Variants in CTH observed in about 807,000 individuals in gnomAD.
CTH encodes the protein cystathionine gamma-lyase.
Under a neutral mutation model 50.6 loss-of-function variants are expected in CTH, and 41 were observed. The observed-to-expected ratio is 0.81, with a 90% CI of 0.63 to 1.05. The LOEUF is 1.05. Ranked by LOEUF, CTH falls within the 50% of genes least tolerant of loss-of-function variation. The pLI, the probability that CTH is intolerant of heterozygous loss-of-function variation, is 0.00. For synonymous variants in CTH, 156 were observed against 168.9 expected, an observed-to-expected ratio of 0.92 and a Z score of 0.59; for missense variants, 470 against 492.6, an observed-to-expected ratio of 0.95 and a Z score of 0.43.
intron 1 of CTH, among the ~76,000 whole-genome samples, chr1:70,413,412 T>C (rs1044004491): frequency 1.1e-4 from 16 of 151,842 alleles, no homozygotes; most frequent in South Asian, 2.1e-4. Context: ...TACAGGCGCC[T>C]GCCACTGCGC....
chr1:70,416,602 C>T (rs1436796920), intron 2 of CTH, among the ~76,000 whole-genome samples: 4 of 139,612 alleles, frequency 2.9e-5, no homozygotes, highest in African/African-American at 5.4e-5. Flanking sequence ...TTGCTCTTGT[C>T]GCTCAGGCTG....
chr1:70,411,312 C>T lies in CTH; in HGVS notation c.-104C>T, dbSNP rs1020538782. 1 of 1,187,706 alleles carries T rather than the reference C, an allele frequency of 8.4e-7. No individual in the cohort carries two copies. The highest frequency in any genetic ancestry group is 1.5e-5 in the African/African-American group (1 of 66,732). 73.6% of individuals were successfully genotyped at this position (1,187,706 alleles called of 1,614,324 possible). A position where few individuals can be genotyped will look rare whatever the true frequency, so the allele number is the denominator to read the frequency against. On this transcript the variant is annotated 5_prime_UTR_variant, in exon 1 of 12. Coordinates refer to ENST00000370938, the MANE Select transcript of CTH (RefSeq NM_001902.6). ...CGTCGGCTCTACCTGCGTGCTTTAG[C>T]TCCTTCTCGCCTGATCCTTCTGTCT...
chr1:70,417,576 C>T (rs912517593), intron 2 of CTH, among the ~76,000 whole-genome samples: 3 of 152,194 alleles, frequency 2.0e-5, no homozygotes, highest in South Asian at 2.1e-4. Context: ...TTAGCCACCA[C>T]GCCTGCCCTG....
chr1:70,439,074 T>A (rs745637431), intron 11 of CTH, 27 bp from the exon 12 acceptor site: 1 of 1,604,490 alleles, frequency 6.2e-7, no homozygotes, highest in Non-Finnish European at 8.5e-7. Flanking sequence ...TTTAATAACA[T>A]ATTTTTCTTG....
At chr1:70,421,811 G>A in intron 4 of CTH, 136 bp downstream of exon 4, 4 of 867,832 alleles carry the variant, frequency 4.6e-6, no homozygotes, top group Non-Finnish European at 7.5e-6. Context: ...ACAAAATTAA[G>A]ATAGACTGTC....
rs755769139 is a variant in CTH, at chr1:70,424,333, AT to A, written c.507del (p.Ile169MetfsTer46). On this transcript the variant is annotated frameshift_variant, in exon 5 of 12. Coordinates refer to ENST00000370938, the MANE Select transcript of CTH (RefSeq NM_001902.6). LOFTEE classifies it high-confidence loss of function. ...PTNPTQKVID[I>X]EGCAHIVHKH... is the part of the protein sequence containing the mutation. ...AAACCCCACCCAGAAGGTGATTGAC[AT>A]TGAAGGCTGTGCACATATTGTCCAT... 12 of 1,614,142 alleles carry A rather than the reference AT, an allele frequency of 7.4e-6. No homozygotes were observed. Among genetic ancestry groups the A allele is most frequent in the Non-Finnish European group, 1.0e-5 (12 of 1,179,996 alleles).
chr1:70,418,092 C>T, intron 3 of CTH, 60 bp downstream of exon 3: 2 of 1,566,694 alleles, frequency 1.3e-6, no homozygotes, highest in South Asian at 1.1e-5. Flanking sequence ...ATAAAGTGAG[C>T]CCTGAATTAA....
Position 70,421,626 on chromosome 1 carries a change from A to C in CTH, c.407A>C (p.Asp136Ala). Residue 136 changes from aspartate (D) to alanine (A), a missense_variant, in exon 4 of 12, where the codon GAT becomes GCT. Asp to Ala is a moderately radical substitution (Grantham distance 126). Coordinates refer to ENST00000370938, the MANE Select transcript of CTH (RefSeq NM_001902.6). ...TTTGGATTAAAGATTTCTTTTGTTG[A>C]TTGTTCCAAAATCAAATTACTAGAG... is the stretch of plus-strand genomic sequence containing the variant. ...SEFGLKISFV[D>A]CSKIKLLEAA... 1 of 1,613,942 alleles carries C rather than the reference A, an allele frequency of 6.2e-7. No individual in the cohort carries two copies. The highest frequency in any genetic ancestry group is 1.3e-5 in the African/African-American group (1 of 75,032).
At chr1:70,425,980 T>C (rs976599548) in intron 5 of CTH, among the ~76,000 whole-genome samples, 2 of 152,130 alleles carry the variant, frequency 1.3e-5, no homozygotes, top group Admixed American at 6.5e-5. Context: ...CTCCTAATCA[T>C]ACTAGTGATT....
At chr1:70,421,812 A>G in intron 4 of CTH, 137 bp downstream of exon 4, 2 of 844,722 alleles carry the variant, frequency 2.4e-6, no homozygotes, top group Non-Finnish European at 3.9e-6. Flanking sequence ...CAAAATTAAG[A>G]TAGACTGTCA....
chr1:70,439,190 T>A lies in CTH; in HGVS notation c.*63T>A. 1 of 1,500,240 alleles carries A rather than the reference T, an allele frequency of 6.7e-7. No homozygotes were observed. Among genetic ancestry groups the A allele is most frequent in the Non-Finnish European group, 9.3e-7 (1 of 1,076,026 alleles). 92.9% of individuals were successfully genotyped at this position (1,500,240 alleles called of 1,614,324 possible). A position where few individuals can be genotyped will look rare whatever the true frequency, so the allele number is the denominator to read the frequency against. ...GATCAAATCTTCCTGAGTAATTAAATGGACCAACAATGAGCCTTTGCAAAA... is the reference window on the plus strand; with the variant it reads ...GATCAAATCTTCCTGAGTAATTAAAAGGACCAACAATGAGCCTTTGCAAAA... On this transcript the variant is annotated 3_prime_UTR_variant, in exon 12 of 12. Transcript: ENST00000370938.
chr1:70,426,978 T>C (rs1378192058), intron 5 of CTH, among the ~76,000 whole-genome samples: 1 of 152,196 alleles, frequency 6.6e-6, no homozygotes, highest in Non-Finnish European at 1.5e-5. Context: ...TTTCTACCTT[T>C]TTGAAGCCCA....
At chr1:70,424,995 T>C (rs1019929809) in intron 5 of CTH, among the ~76,000 whole-genome samples, 7 of 152,198 alleles carry the variant, frequency 4.6e-5, no homozygotes, top group South Asian at 4.1e-4. Context: ...TATTATGTGA[T>C]TGTATCTGCT....
At chr1:70,415,546 A>G (rs557565675) in intron 1 of CTH, among the ~76,000 whole-genome samples, 3 of 152,398 alleles carry the variant, frequency 2.0e-5, no homozygotes, top group East Asian at 1.9e-4. Flanking sequence ...CTAACATAAT[A>G]AACATACTAA....
chr1:70,429,777 A>C lies in CTH; in HGVS notation c.589-17A>C. On this transcript the variant is annotated splice_polypyrimidine_tract_variant and intron_variant, in intron 5 of 11. Coordinates refer to ENST00000370938, the MANE Select transcript of CTH (RefSeq NM_001902.6). The stretch of plus-strand genomic sequence containing the variant: ...TCAAATTGTTTCTCATTTAAAGTAA[A>C]AAACTTGTTCTTTCAGCGCCCTTTG... 1 of 1,600,238 alleles carries C rather than the reference A, an allele frequency of 6.2e-7. No homozygotes were observed. Among genetic ancestry groups the C allele is most frequent in the Non-Finnish European group, 8.6e-7 (1 of 1,167,912 alleles).
chr1:70,413,471 G>T (rs1029833501), intron 1 of CTH, among the ~76,000 whole-genome samples: 5 of 151,470 alleles, frequency 3.3e-5, no homozygotes, highest in Non-Finnish European at 7.4e-5. Context: ...TCACCATGTT[G>T]GCCAGGCTGC....
chr1:70,435,069 G>A (rs12134857), intron 9 of CTH, 56 bp from the exon 10 acceptor site: 4 of 1,516,784 alleles, frequency 2.6e-6, no homozygotes, highest in Non-Finnish European at 3.6e-6. Context: ...TTTATTTTTA[G>A]ATTTTAGTAT....
chr1:70,422,523 C>A lies in CTH; in HGVS notation c.456+848C>A, dbSNP rs916980013. ...TACTTTGCACATTAACATGGTTGAG[C>A]TTTTGGTAATTAAGGTTTGTTTCCA... On this transcript the variant is annotated intron_variant, in intron 4 of 11. Transcript: ENST00000370938. Among the ~76,000 whole-genome samples the A allele has an allele frequency of 2.0e-5, 3 of 151,094 alleles. No individual in the cohort carries two copies. In the East Asian group the frequency reaches 5.8e-4, roughly 29 times the overall value.
At chr1:70,431,689 T>C (rs1684479014) in intron 7 of CTH, among the ~76,000 whole-genome samples, 1 of 152,218 alleles carries the variant, frequency 6.6e-6, no homozygotes, top group African/African-American at 2.4e-5. Flanking sequence ...AGAATATTAG[T>C]AGAATATTCA....
Sources: allele counts gnomAD v4.1 joint callset (sites outside exome capture counted in the v4.1 genomes callset), GRCh38; gene constraint gnomAD v4.1.1; transcripts MANE v1.5; gene names NCBI Gene and HGNC (gene_info 2026-07-23, HGNC 2026-07-21).